The following DPYSL3 variants were observed in gnomAD, a reference collection of about 807,000 sequenced individuals.
DPYSL3 encodes the protein dihydropyrimidinase like 3, also known as dihydropyrimidinase-related protein 3.
In DPYSL3, 16 loss-of-function variants were observed where a neutral mutation model predicts 66.1. The observed-to-expected ratio is 0.24, with a 90% confidence interval of 0.16 to 0.37. The LOEUF is 0.37. Ranked by LOEUF, DPYSL3 falls within the 10% of genes least tolerant of loss-of-function variation. The probability of loss-of-function intolerance (pLI) is 1.00; values close to 1 mark genes in which losing one functional copy is unlikely to be tolerated. For missense variants in DPYSL3, 738 were observed against 916.2 expected (o/e 0.81, Z 2.51); for synonymous variants, 338 against 345.1 (o/e 0.98, Z 0.23).
intron 4 of DPYSL3, among the ~76,000 whole-genome samples, chr5:147,414,120 C>T (rs1022016468): frequency 1.3e-5 from 2 of 152,130 alleles, no homozygotes; most frequent in Admixed American, 6.5e-5. Context: ...AATAACAATA[C>T]CCTACTTCAT....
intron 6 of DPYSL3, among the ~76,000 whole-genome samples, chr5:147,410,606 T>C (rs1751833336): frequency 6.6e-6 from 1 of 152,170 alleles, no homozygotes; most frequent in Admixed American, 6.5e-5. Flanking sequence ...GTCCAAGGCT[T>C]GGCGTATAGT....
Position 147,400,697 on chromosome 5 carries a change from C to G in DPYSL3, c.1447G>C (p.Ala483Pro). 2 of 1,613,958 alleles carry G rather than the reference C, an allele frequency of 1.2e-6. No individual in the cohort carries two copies. Among genetic ancestry groups the G allele is most frequent in the Non-Finnish European group, 1.7e-6 (2 of 1,179,858 alleles). ...EERMSVIWDK[A>P]VATGKMDENQ... ...CCATGACCTCCATGCCTTACCACAGCCTTGTCCCAGATGACAGACATCCGC... is the reference window on the plus strand; with the variant it reads ...CCATGACCTCCATGCCTTACCACAGGCTTGTCCCAGATGACAGACATCCGC... The change falls in exon 10 of 14, where the codon GCT (alanine) becomes CCT (proline). Residue 483 changes from alanine (A) to proline (P), a missense_variant. Transcript: ENST00000343218.
At chr5:147,430,720 T>A (rs1752298992) in intron 1 of DPYSL3, among the ~76,000 whole-genome samples, 1 of 152,102 alleles carries the variant, frequency 6.6e-6, no homozygotes. Context: ...TGGTCTCCAT[T>A]TTAGTTTTCC....
chr5:147,423,013 T>A (rs950008332), intron 2 of DPYSL3, among the ~76,000 whole-genome samples: 2 of 152,018 alleles, frequency 1.3e-5, no homozygotes, highest in Non-Finnish European at 1.5e-5. Context: ...ATAATAATAA[T>A]AAAAAAGTTC....
At chr5:147,411,033 A>G (rs17106683) in intron 6 of DPYSL3, among the ~76,000 whole-genome samples, 5,069 of 152,284 alleles carry the variant, frequency 0.033, 229 homozygotes, top group East Asian at 0.19. Flanking sequence ...CTCAGGGGCT[A>G]GAATTAACTG....
Position 147,510,065 on chromosome 5 carries a change from G to T in DPYSL3, c.-207C>A. Reference sequence around the variant, plus strand: ...AGCTAGCGCGCGGAGCAGGGGCCCAGAGTAGCGCCGCGCTTGGCTCACTCG... The same window carrying T: ...AGCTAGCGCGCGGAGCAGGGGCCCATAGTAGCGCCGCGCTTGGCTCACTCG... On this transcript the variant is annotated 5_prime_UTR_variant, in exon 1 of 14. In the 5' UTR this introduces an upstream ATG that the reference lacks. Transcript: ENST00000343218. 1.3e-6 allele frequency: 1 copy of T among 774,100 alleles called. No individual in the cohort carries two copies. Among genetic ancestry groups the T allele is most frequent in the Non-Finnish European group, 1.9e-6 (1 of 521,748 alleles). 48.0% of individuals were successfully genotyped at this position (774,100 alleles called of 1,614,324 possible). A position where few individuals can be genotyped will look rare whatever the true frequency, so the allele number is the denominator to read the frequency against.
chr5:147,461,570 T>C (rs184394037), intron 1 of DPYSL3, among the ~76,000 whole-genome samples: 2 of 152,288 alleles, frequency 1.3e-5, no homozygotes, highest in Admixed American at 6.5e-5. Context: ...ATTTCAGGTA[T>C]CACCCCAGAC....
intron 1 of DPYSL3, chr5:147,453,679 C>T: frequency 6.9e-7 from 1 of 1,453,142 alleles, no homozygotes; most frequent in East Asian, 2.9e-5. Flanking sequence ...GCCCCGAGAT[C>T]AGGTGGAGTG....
rs77944500 is a variant in DPYSL3, at chr5:147,405,963, A to G, written c.1033-233T>C. The stretch of plus-strand genomic sequence containing the variant: ...CACTAGTAAAATAGTATAGCACAGC[A>G]TTGTCATCTGAGAGCAATGTCTGGC... On this transcript the variant is annotated intron_variant, in intron 7 of 13. Transcript: ENST00000343218. 1.0e-2 allele frequency: 3,834 copies of G among 384,012 alleles called. 122 individuals carry two copies. The highest frequency in any genetic ancestry group is 0.072 in the African/African-American group (3,532 of 49,268). The allele number at this position is 384,012 out of a possible 1,614,324, so 23.8% of individuals were successfully genotyped here.
chr5:147,407,491 A>C (rs1319595858), intron 7 of DPYSL3, among the ~76,000 whole-genome samples: 1 of 152,182 alleles, frequency 6.6e-6, no homozygotes, highest in Non-Finnish European at 1.5e-5. Context: ...ACCAGCATTT[A>C]AGAAAAACTT....
chr5:147,493,042 A>G (rs981630427), intron 1 of DPYSL3, among the ~76,000 whole-genome samples: 18 of 152,220 alleles, frequency 1.2e-4, no homozygotes, highest in African/African-American at 3.6e-4. Flanking sequence ...GCAAATAACT[A>G]TATTAATTTC....
chr5:147,471,954 G>C (rs929411666), intron 1 of DPYSL3, among the ~76,000 whole-genome samples: 1 of 152,086 alleles, frequency 6.6e-6, no homozygotes, highest in Non-Finnish European at 1.5e-5. Context: ...CTCAGGCTTC[G>C]AGGTTTCTGT....
chr5:147,421,636 A>G (rs1008150366), intron 2 of DPYSL3, among the ~76,000 whole-genome samples: 17 of 152,236 alleles, frequency 1.1e-4, no homozygotes, highest in African/African-American at 4.1e-4. Context: ...TAACCAAAAC[A>G]GCATGGTACT....
chr5:147,470,524 T>C (rs1265834614), intron 1 of DPYSL3, among the ~76,000 whole-genome samples: 1 of 152,050 alleles, frequency 6.6e-6, no homozygotes, highest in Non-Finnish European at 1.5e-5. Flanking sequence ...ATTGTCACTT[T>C]CCCACTTACC....
intron 4 of DPYSL3, among the ~76,000 whole-genome samples, chr5:147,414,617 G>C (rs1406831734): frequency 3.3e-5 from 5 of 152,196 alleles, no homozygotes; most frequent in Admixed American, 1.3e-4. Flanking sequence ...AATGATCCAG[G>C]CTCTTTGATA....
In DPYSL3 at chr5:147,394,720, A is replaced by G. The variant is rs534394447; in HGVS notation, c.1967-597T>C. Among the ~76,000 whole-genome samples, 18 of 151,712 alleles carry G rather than the reference A, an allele frequency of 1.2e-4. No homozygotes were observed. The South Asian group carries it at 3.7e-3, about 32-fold the overall frequency. ...GCAAAAACTTTGAAAAAAATTGCTTATGACTAGCAGAATGTGACCTCTGGC... is the reference window on the plus strand; with the variant it reads ...GCAAAAACTTTGAAAAAAATTGCTTGTGACTAGCAGAATGTGACCTCTGGC... On this transcript the variant is annotated intron_variant, in intron 13 of 13. Transcript: ENST00000343218.
At position 147,415,713 on chromosome 5, in the gene DPYSL3, G is replaced by T; in HGVS notation, c.816C>A (p.Asp272Glu). The change falls in exon 4 of 14, where the codon GAC becomes GAA. Residue 272 changes from aspartate (D) to glutamate (E), a missense_variant. Asp to Glu is a conservative substitution (Grantham distance 45). Transcript: ENST00000343218. ...GGACGGCATGTCCGGGCTCACCTTT[G>T]TCCTTGATGAGGTTCTGCACTTCCT... ...VKQEVQNLIK[D>E]KGVNSFMVYM... 1 of 1,613,850 alleles carries T rather than the reference G, an allele frequency of 6.2e-7. No homozygotes were observed. The highest frequency in any genetic ancestry group is 2.2e-5 in the East Asian group (1 of 44,850).
At chr5:147,461,969 A>C (rs994374154) in intron 1 of DPYSL3, among the ~76,000 whole-genome samples, 1 of 152,154 alleles carries the variant, frequency 6.6e-6, no homozygotes, top group African/African-American at 2.4e-5. Context: ...TAAATCAAAA[A>C]ATTTGTTTTA....
Position 147,395,557 on chromosome 5 carries a change from A to T in DPYSL3, c.1966+2T>A. ...ATCTTTTGATGAGCCTGTCCCACTC[A>T]CCTGACAGGCTAAATCCCGACTGAT... On this transcript the variant is annotated splice_donor_variant, in intron 13 of 13. Coordinates refer to ENST00000343218, the MANE Select transcript of DPYSL3 (RefSeq NM_001197294.2). LOFTEE classifies it high-confidence loss of function. 6.2e-7 allele frequency: 1 copy of T among 1,609,712 alleles called. No homozygotes were observed. Among genetic ancestry groups the T allele is most frequent in the Non-Finnish European group, 8.5e-7 (1 of 1,177,906 alleles).
Sources: gnomAD v4.1 joint callset for allele counts (sites outside exome capture counted in the v4.1 genomes callset) on GRCh38, gnomAD v4.1.1 for gene constraint, MANE v1.5 for transcripts, NCBI Gene and HGNC (gene_info 2026-07-23, HGNC 2026-07-21) for gene names.